The following PCDHA9 variants were observed in gnomAD, a reference collection of about 807,000 sequenced individuals.
PCDHA9 encodes the protein protocadherin alpha 9, also known as protocadherin alpha-9.
PCDHA9 carries 62 observed loss-of-function variants against 62.0 expected under a neutral mutation model. The ratio of observed to expected loss-of-function variants is 1.00; its 90% CI spans 0.81 to 1.23. The LOEUF (loss-of-function observed/expected upper bound fraction) is 1.23, where lower values mean the gene tolerates loss of function less well. Ranked by LOEUF, PCDHA9 falls within the 50% of genes most tolerant of loss-of-function variation. PCDHA9 has a pLI of 0.00. For missense variants in PCDHA9, 1,205 were observed against 1,249.8 expected, an observed-to-expected ratio of 0.96 and a Z score of 0.54; for synonymous variants, 557 against 567.6, an observed-to-expected ratio of 0.98 and a Z score of 0.27.
At chr5:140,937,190 A>T (rs1255488487) in intron 1 of PCDHA9, among the ~76,000 whole-genome samples, 1 of 151,824 alleles carries the variant, frequency 6.6e-6, no homozygotes, top group East Asian at 2.0e-4. Context: ...GGCGCCCGCC[A>T]CCATGCCCGG....
intron 1 of PCDHA9, chr5:140,857,594 G>T (rs1554150300): frequency 6.3e-7 from 1 of 1,596,514 alleles, no homozygotes; most frequent in Admixed American, 1.7e-5. Context: ...GAGCGGCAAG[G>T]TGTACGCGCT....
intron 3 of PCDHA9, among the ~76,000 whole-genome samples, chr5:140,994,615 G>C (rs2097641272): frequency 6.6e-6 from 1 of 152,078 alleles, no homozygotes; most frequent in Admixed American, 6.6e-5. Context: ...TGAGGCACGA[G>C]AGTCACTTGA....
At chr5:140,875,251 A>T in intron 1 of PCDHA9, 1 of 1,029,376 alleles carries the variant, frequency 9.7e-7, no homozygotes. Context: ...ATAATCAGTC[A>T]CATGATGTCG....
chr5:140,983,665 A>G (rs1161885514), intron 3 of PCDHA9, among the ~76,000 whole-genome samples: 3 of 152,248 alleles, frequency 2.0e-5, no homozygotes, highest in Non-Finnish European at 4.4e-5. Flanking sequence ...GGCAGAGGGT[A>G]GGATTCAAAC....
Position 141,009,722 on chromosome 5 carries a change from G to T in PCDHA9, c.2638G>T (p.Gly880Cys), listed in dbSNP as rs552954748. 6.8e-6 allele frequency: 11 copies of T among 1,614,022 alleles called. No individual in the cohort carries two copies. The highest frequency in any genetic ancestry group is 9.3e-6 in the Non-Finnish European group (11 of 1,180,046). Residue 880 changes from glycine (G) to cysteine (C), a missense_variant, in exon 4 of 4, where the codon GGT becomes TGT. Gly to Cys is a radical substitution (Grantham distance 159). Transcript: ENST00000532602. ...CGGACCAGGCAACCCCAAACAATCC[G>T]GTCCCGGTGAGTTGCCCGACAAATT... ...KYGPGNPKQS[G>C]PGELPDKFII...
chr5:140,967,925 C>T, intron 1 of PCDHA9: 1 of 1,614,224 alleles, frequency 6.2e-7, no homozygotes, highest in South Asian at 1.1e-5. Context: ...TGTGGCCGTT[C>T]TCAGTGTCAA....
chr5:140,872,785 C>A (rs781982200), intron 1 of PCDHA9, among the ~76,000 whole-genome samples: 1 of 152,072 alleles, frequency 6.6e-6, no homozygotes, highest in Non-Finnish European at 1.5e-5. Context: ...ATAATATATG[C>A]TAGTTGGCAT....
intron 3 of PCDHA9, among the ~76,000 whole-genome samples, chr5:141,005,018 T>G (rs2098193299): frequency 6.6e-6 from 1 of 152,250 alleles, no homozygotes; most frequent in Non-Finnish European, 1.5e-5. Context: ...AGCTGCATTA[T>G]ATATAATTGC....
At chr5:140,945,091 TAAAC>T (rs1467444609) in intron 1 of PCDHA9, among the ~76,000 whole-genome samples, 2 of 152,110 alleles carry the variant, frequency 1.3e-5, no homozygotes, top group African/African-American at 2.4e-5. Context: ...TTGGAACTAA[TAAAC>T]AAAATAAAGT....
chr5:141,006,491 G>A (rs142641127), intron 3 of PCDHA9, among the ~76,000 whole-genome samples: 4,876 of 152,234 alleles, frequency 0.032, 273 homozygotes, highest in African/African-American at 0.11. Context: ...GGGATTACAT[G>A]TGTGAGCCAC....
rs1222255074 is a variant in PCDHA9 at position 141,012,119 on chromosome 5, A to G, written c.*2182A>G. ...CATTTTGCCCCACTGAAGCCCATGT[A>G]TCTGACCTTACGTGCCTTTTGAACT... On this transcript the variant is annotated 3_prime_UTR_variant, in exon 4 of 4. Coordinates refer to ENST00000532602, the MANE Select transcript of PCDHA9 (RefSeq NM_031857.2). 6.5e-6 allele frequency: 1 copy of G among 153,734 alleles called. No individual in the cohort carries two copies. Among genetic ancestry groups the G allele is most frequent in the African/African-American group, 2.4e-5 (1 of 41,454 alleles). 9.5% of individuals were successfully genotyped at this position (153,734 alleles called of 1,614,324 possible). A position where few individuals can be genotyped will look rare whatever the true frequency, so the allele number is the denominator to read the frequency against.
intron 1 of PCDHA9, chr5:140,966,778 G>A: frequency 6.6e-7 from 1 of 1,512,496 alleles, no homozygotes; most frequent in Non-Finnish European, 8.8e-7. Flanking sequence ...TGGAGCAGGC[G>A]GGCACCAGAC....
intron 1 of PCDHA9, chr5:140,854,514 T>G (rs1216926538): frequency 1.3e-5 from 2 of 149,996 alleles, no homozygotes; most frequent in Non-Finnish European, 3.0e-5. Flanking sequence ...AACTGATGGA[T>G]TAAGTGACAC....
intron 1 of PCDHA9, chr5:140,876,741 G>C: frequency 6.2e-7 from 1 of 1,614,264 alleles, no homozygotes; most frequent in Non-Finnish European, 8.5e-7. Flanking sequence ...CCTATGAGCT[G>C]GTGGTGACTG....
chr5:140,876,118 G>T, intron 1 of PCDHA9: 1 of 1,613,926 alleles, frequency 6.2e-7, no homozygotes, highest in South Asian at 1.1e-5. Context: ...GATGGTAATC[G>T]ATGGCGGTAA....
intron 1 of PCDHA9, among the ~76,000 whole-genome samples, chr5:140,921,809 C>CA (rs1184598188): frequency 6.6e-6 from 1 of 151,940 alleles, no homozygotes; most frequent in Non-Finnish European, 1.5e-5. Context: ...AGATAAGATA[C>CA]ATGTGTGAAT....
chr5:140,989,874 A>C (rs1328387054), intron 3 of PCDHA9, among the ~76,000 whole-genome samples: 1 of 152,098 alleles, frequency 6.6e-6, no homozygotes, highest in Admixed American at 6.6e-5. Context: ...TCTCTGCCTC[A>C]GCACTTGGAG....
At chr5:140,922,373 C>A (rs1337198160) in intron 1 of PCDHA9, among the ~76,000 whole-genome samples, 1 of 152,158 alleles carries the variant, frequency 6.6e-6, no homozygotes, top group African/African-American at 2.4e-5. Context: ...CACTGAGATG[C>A]AAAACCAAAG....
Position 140,852,809 on chromosome 5 carries a change from C to T in PCDHA9, c.2394+1920C>T, listed in dbSNP as rs1429984533. 2.4e-5 allele frequency: 23 copies of T among 974,514 alleles called. 1 individual carries two copies. The highest frequency in any genetic ancestry group is 6.3e-5 in the Admixed American group (1 of 15,844). 60.4% of individuals were successfully genotyped at this position (974,514 alleles called of 1,614,324 possible). A position where few individuals can be genotyped will look rare whatever the true frequency, so the allele number is the denominator to read the frequency against. On this transcript the variant is annotated intron_variant, in intron 1 of 3. Transcript: ENST00000532602. Reference sequence around the variant, plus strand: ...GGATGCTACAGATGTCATTTGTCTCCCGCCCTAAGTCCTCCAGTCTCCTTA... The same window carrying T: ...GGATGCTACAGATGTCATTTGTCTCTCGCCCTAAGTCCTCCAGTCTCCTTA...
Sources: gnomAD v4.1 joint callset for allele counts (sites outside exome capture counted in the v4.1 genomes callset) on GRCh38, gnomAD v4.1.1 for gene constraint, MANE v1.5 for transcripts, NCBI Gene and HGNC (gene_info 2026-07-23, HGNC 2026-07-21) for gene names.